Variants in BCR observed in about 807,000 individuals in gnomAD.
BCR encodes breakpoint cluster region protein.
Under a neutral mutation model 138.6 loss-of-function variants are expected in BCR, and 58 were observed. The ratio of observed to expected loss-of-function variants is 0.42; its 90% CI spans 0.34 to 0.52. The LOEUF (loss-of-function observed/expected upper bound fraction) is 0.52, where lower values mean the gene tolerates loss of function less well. Ranked by LOEUF, BCR falls within the 20% of genes least tolerant of loss-of-function variation. The pLI, the probability that BCR is intolerant of heterozygous loss-of-function variation, is 0.06. For missense variants in BCR, 1,599 were observed against 1,727.2 expected (o/e 0.93, Z 1.32); for synonymous variants, 786 against 730.1 (o/e 1.08, Z -1.23).
At chr22:23,247,283 G>A (rs545625494) in intron 1 of BCR, among the ~76,000 whole-genome samples, 22 of 152,280 alleles carry the variant, frequency 1.4e-4, no homozygotes, top group Non-Finnish European at 3.1e-4. Flanking sequence ...CCGAGCCACC[G>A]GATGTTTGAT....
At chr22:23,242,319 G>A (rs947966221) in intron 1 of BCR, among the ~76,000 whole-genome samples, 2 of 152,068 alleles carry the variant, frequency 1.3e-5, no homozygotes, top group African/African-American at 4.8e-5. Context: ...ATTTATTCAG[G>A]CCCACTGCAG....
chr22:23,252,392 C>T (rs1057391706), intron 1 of BCR, among the ~76,000 whole-genome samples: 24 of 151,228 alleles, frequency 1.6e-4, no homozygotes, highest in Non-Finnish European at 2.7e-4. Flanking sequence ...AAGACGGTAA[C>T]GGTAACATTT....
rs181087844 is a variant in BCR, at chr22:23,261,809, G to A, written c.1752+269G>A. On this transcript the variant is annotated intron_variant, in intron 4 of 22. Coordinates refer to ENST00000305877, the MANE Select transcript of BCR (RefSeq NM_004327.4). ...AGATGGGGACTTACTACGTTGTCCA[G>A]GCTGGAGTGCAGTGGCTATTCACAG... is the stretch of plus-strand genomic sequence containing the variant. 924 of 219,690 alleles carry A rather than the reference G, an allele frequency of 4.2e-3. 5 individuals carry two copies. Among genetic ancestry groups the A allele is most frequent in the Non-Finnish European group, 5.5e-3 (614 of 111,048 alleles). 13.6% of individuals were successfully genotyped at this position (219,690 alleles called of 1,614,324 possible). A position where few individuals can be genotyped will look rare whatever the true frequency, so the allele number is the denominator to read the frequency against.
chr22:23,220,629 C>T (rs2072813830), intron 1 of BCR, among the ~76,000 whole-genome samples: 1 of 152,188 alleles, frequency 6.6e-6, no homozygotes, highest in African/African-American at 2.4e-5. Context: ...CTTCCTCTTA[C>T]TGTATACTTG....
rs5996484 is a variant in BCR at position 23,193,791 on chromosome 22, T to C, written c.1279+11552T>C. Reference sequence around the variant, plus strand: ...GAATGTCTTCTCTCACAGGGGTCCCTGTGGAGGAGTGACAGGAACCCTCTT... The same window carrying C: ...GAATGTCTTCTCTCACAGGGGTCCCCGTGGAGGAGTGACAGGAACCCTCTT... On this transcript the variant is annotated intron_variant, in intron 1 of 22. Transcript: ENST00000305877. Among the ~76,000 whole-genome samples the C allele has an allele frequency of 4.8e-3, 738 of 152,350 alleles. 5 individuals are homozygous for C. Among genetic ancestry groups the C allele is most frequent in the African/African-American group, 0.017 (695 of 41,576 alleles).
chr22:23,205,296 A>G (rs1467054563), intron 1 of BCR, among the ~76,000 whole-genome samples: 1 of 152,180 alleles, frequency 6.6e-6, no homozygotes, highest in Non-Finnish European at 1.5e-5. Flanking sequence ...GGGGGTACAG[A>G]TGCCTCAGTG....
chr22:23,288,515 A>C (rs1307367721), intron 12 of BCR, among the ~76,000 whole-genome samples: 1 of 123,244 alleles, frequency 8.1e-6, no homozygotes, highest in Non-Finnish European at 1.7e-5. Flanking sequence ...CATACACCGC[A>C]CCCCCGGCCT....
At chr22:23,242,058 C>G (rs1005622932) in intron 1 of BCR, among the ~76,000 whole-genome samples, 2 of 152,180 alleles carry the variant, frequency 1.3e-5, no homozygotes, top group Non-Finnish European at 2.9e-5. Flanking sequence ...AAACTGACAC[C>G]AGGTACATTA....
chr22:23,228,488 AGT>A, intron 1 of BCR, among the ~76,000 whole-genome samples: 1 of 152,232 alleles, frequency 6.6e-6, no homozygotes, highest in Non-Finnish European at 1.5e-5. Context: ...CCACAAACTT[AGT>A]GACTTCAAAC....
intron 1 of BCR, among the ~76,000 whole-genome samples, chr22:23,186,119 G>C (rs1363007223): frequency 6.6e-6 from 1 of 152,208 alleles, no homozygotes; most frequent in African/African-American, 2.4e-5. Flanking sequence ...AGTGAGATCA[G>C]AGAAGCTTCC....
At chr22:23,226,260 A>C (rs1051919852) in intron 1 of BCR, among the ~76,000 whole-genome samples, 1 of 151,850 alleles carries the variant, frequency 6.6e-6, no homozygotes, top group African/African-American at 2.4e-5. Flanking sequence ...TATCCTTCCC[A>C]TGGGGCCTGA....
intron 1 of BCR, among the ~76,000 whole-genome samples, chr22:23,197,862 C>T (rs574273242): frequency 1.3e-5 from 2 of 151,840 alleles, no homozygotes; most frequent in South Asian, 4.2e-4. Flanking sequence ...GGAATATGAG[C>T]TGATTCTGGG....
At chr22:23,270,085 T>C (rs547153603) in intron 5 of BCR, among the ~76,000 whole-genome samples, 2 of 152,016 alleles carry the variant, frequency 1.3e-5, no homozygotes, top group South Asian at 4.2e-4. Flanking sequence ...CCCAGAGGAA[T>C]TGGAGCCACC....
chr22:23,287,348 G>C (rs1335960003), intron 11 of BCR, 70 bp downstream of exon 11: 1 of 1,464,944 alleles, frequency 6.8e-7, no homozygotes, highest in African/African-American at 1.4e-5. Flanking sequence ...CCTAATGGCA[G>C]TGCGTTTTCA....
intron 1 of BCR, among the ~76,000 whole-genome samples, chr22:23,193,142 G>T (rs892960590): frequency 1.3e-5 from 2 of 152,276 alleles, no homozygotes. Flanking sequence ...CGTGTTTAAA[G>T]TGCTGCTGGG....
At chr22:23,212,096 T>A (rs2072692233) in intron 1 of BCR, among the ~76,000 whole-genome samples, 1 of 152,220 alleles carries the variant, frequency 6.6e-6, no homozygotes, top group South Asian at 2.1e-4. Flanking sequence ...GCAAGGGGAC[T>A]GCTGCTTTCC....
chr22:23,275,737 G>T (rs1163704960), intron 8 of BCR, among the ~76,000 whole-genome samples: 1 of 152,192 alleles, frequency 6.6e-6, no homozygotes, highest in Non-Finnish European at 1.5e-5. Flanking sequence ...TCCACGTGCT[G>T]GGTGGGTTCC....
intron 20 of BCR, among the ~76,000 whole-genome samples, chr22:23,313,485 G>A (rs1472004075): frequency 2.0e-5 from 3 of 152,224 alleles, no homozygotes; most frequent in African/African-American, 4.8e-5. Flanking sequence ...TGCCTCCCGG[G>A]CCCATGCACA....
chr22:23,249,498 G>T (rs2073198459), intron 1 of BCR, among the ~76,000 whole-genome samples: 1 of 151,908 alleles, frequency 6.6e-6, no homozygotes, highest in Admixed American at 6.6e-5. Context: ...TACTTAGAAG[G>T]ATCCCTTGAG....
Sources: gnomAD v4.1 joint callset for allele counts (sites outside exome capture counted in the v4.1 genomes callset) on GRCh38, gnomAD v4.1.1 for gene constraint, MANE v1.5 for transcripts, NCBI Gene and HGNC (gene_info 2026-07-23, HGNC 2026-07-21) for gene names.